STPG2: variants seen among roughly 807,000 people sequenced by gnomAD.
STPG2 encodes sperm tail PG-rich repeat containing 2, also known as sperm-tail PG-rich repeat-containing protein 2.
Under a neutral mutation model 54.2 loss-of-function variants are expected in STPG2, and 56 were observed. The ratio of observed to expected loss-of-function variants is 1.03; its 90% CI spans 0.83 to 1.29. The LOEUF (loss-of-function observed/expected upper bound fraction) is 1.29. STPG2 is among the 50% of genes most tolerant of loss of function. STPG2 has a pLI of 0.00. For missense variants in STPG2, 596 were observed against 544.9 expected (o/e 1.09, Z -0.93); for synonymous variants, 200 against 181.8 (o/e 1.10, Z -0.81).
In STPG2 at chr4:97,938,496, G is replaced by A. The variant is rs991110254; in HGVS notation, c.1044+5401C>T. 4.1e-5 allele frequency among the ~76,000 whole-genome samples: 4 copies of A among 97,856 alleles called. No homozygotes were observed. The East Asian group carries it at 1.1e-3, about 26-fold the overall frequency. 64.2% of individuals were successfully genotyped at this position (97,856 alleles called of 152,430 possible). A position where few individuals can be genotyped will look rare whatever the true frequency, so the allele number is the denominator to read the frequency against. The stretch of plus-strand genomic sequence containing the variant: ...ACAGCAGGCAGCCACAGTGACGATG[G>A]CCACCCACCCCTGCAGGAACTCTTA... On this transcript the variant is annotated intron_variant, in intron 8 of 10. Coordinates refer to ENST00000295268, the MANE Select transcript of STPG2 (RefSeq NM_174952.3).
At chr4:97,547,103 A>G (rs764279133) in intron 4 of STPG2, among the ~76,000 whole-genome samples, 2 of 152,220 alleles carry the variant, frequency 1.3e-5, no homozygotes, top group Non-Finnish European at 2.9e-5. Flanking sequence ...AAGAAGTTCA[A>G]TACGTACGAA....
At chr4:97,616,050 ACATATAAATATATATATATAT>A (rs1560686791) in intron 10 of STPG2, among the ~76,000 whole-genome samples, 1,268 of 80,636 alleles carry the variant, frequency 0.016, 55 homozygotes, top group African/African-American at 0.061. Context: ...AAAAAAAAAT[ACATATAAATATATATATATAT>A]ATATATATAT....
chr4:97,697,557 C>T (rs1723617699), intron 10 of STPG2, among the ~76,000 whole-genome samples: 1 of 152,172 alleles, frequency 6.6e-6, no homozygotes, highest in South Asian at 2.1e-4. Context: ...CGAGAAGTAG[C>T]TCACTGTGAT....
intron 5 of STPG2, among the ~76,000 whole-genome samples, chr4:97,998,148 T>C (rs1735302125): frequency 1.3e-5 from 2 of 152,174 alleles, no homozygotes; most frequent in Non-Finnish European, 2.9e-5. Flanking sequence ...AAAATGCCTC[T>C]TATCCCTGTA....
chr4:98,003,919 G>A (rs1338469887), intron 5 of STPG2, among the ~76,000 whole-genome samples: 1 of 152,044 alleles, frequency 6.6e-6, no homozygotes, highest in African/African-American at 2.4e-5. Context: ...ACAATGTGAT[G>A]TTTTGATGTA....
chr4:97,999,054 T>C (rs1241444110), intron 5 of STPG2, among the ~76,000 whole-genome samples: 1 of 152,236 alleles, frequency 6.6e-6, no homozygotes, highest in Non-Finnish European at 1.5e-5. Context: ...ATTGTCATTT[T>C]GCTTTAGTAA....
intron 5 of STPG2, among the ~76,000 whole-genome samples, chr4:98,027,823 G>A (rs549102080): frequency 5.9e-5 from 9 of 152,264 alleles, no homozygotes; most frequent in African/African-American, 2.2e-4. Context: ...AGCATAAGTA[G>A]TTTTATCAGC....
intron 4 of STPG2, among the ~76,000 whole-genome samples, chr4:97,539,883 T>C (rs1471264690): frequency 1.3e-5 from 2 of 152,154 alleles, no homozygotes; most frequent in Admixed American, 1.3e-4. Context: ...GACTACTGGG[T>C]ACATAACGAA....
chr4:97,809,363 A>G (rs1200276348), intron 9 of STPG2, among the ~76,000 whole-genome samples: 1 of 152,150 alleles, frequency 6.6e-6, no homozygotes, highest in Non-Finnish European at 1.5e-5. Context: ...CAAGATTCCC[A>G]TCACTGATTT....
intron 8 of STPG2, among the ~76,000 whole-genome samples, chr4:97,920,612 G>T (rs934857413): frequency 2.0e-5 from 3 of 151,964 alleles, no homozygotes; most frequent in African/African-American, 7.3e-5. Context: ...AAAAAGCAGT[G>T]CCACAGAGGA....
intron 8 of STPG2, among the ~76,000 whole-genome samples, chr4:97,898,426 A>G (rs187873619): frequency 3.3e-5 from 5 of 151,752 alleles, no homozygotes; most frequent in Admixed American, 2.6e-4. Context: ...CCTTCACTTC[A>G]TTTTAATACT....
intron 10 of STPG2, among the ~76,000 whole-genome samples, chr4:97,692,855 G>A (rs1293603416): frequency 6.6e-6 from 1 of 152,192 alleles, no homozygotes; most frequent in Non-Finnish European, 1.5e-5. Flanking sequence ...TTTCTAAGCA[G>A]AAATCCTACA....
intron 4 of STPG2, among the ~76,000 whole-genome samples, chr4:97,493,582 A>C (rs1459756698): frequency 6.6e-6 from 1 of 151,536 alleles, no homozygotes; most frequent in Non-Finnish European, 1.5e-5. Context: ...CAGCAAAATT[A>C]GCAAAAGTGT....
At chr4:98,118,920 C>T (rs2903142) in intron 3 of STPG2, among the ~76,000 whole-genome samples, 59,905 of 151,636 alleles carry the variant, frequency 0.4, 12,028 homozygotes, top group Middle Eastern at 0.45. Context: ...TAGGAATTCA[C>T]AAATCCATAC....
chr4:97,867,032 C>A (rs551700002), intron 8 of STPG2, among the ~76,000 whole-genome samples: 2 of 152,054 alleles, frequency 1.3e-5, no homozygotes, highest in South Asian at 4.1e-4. Flanking sequence ...GAGCAGCAAG[C>A]AGTTCCCATG....
intron 10 of STPG2, among the ~76,000 whole-genome samples, chr4:97,662,039 CTTAA>C (rs1301635088): frequency 6.6e-6 from 1 of 152,044 alleles, no homozygotes. Flanking sequence ...ACACATAGGA[CTTAA>C]TTAAACTAAA....
At chr4:97,645,547 T>G (rs1721889955) in intron 10 of STPG2, among the ~76,000 whole-genome samples, 1 of 152,198 alleles carries the variant, frequency 6.6e-6, no homozygotes. Flanking sequence ...CATATGAATG[T>G]GGCTTGTTTA....
intron 1 of STPG2, among the ~76,000 whole-genome samples, chr4:98,141,591 C>A (rs1054233011): frequency 1.3e-5 from 2 of 152,078 alleles, no homozygotes; most frequent in African/African-American, 4.8e-5. Flanking sequence ...TGAGTTGTCC[C>A]GCCTTTCTGA....
intron 4 of STPG2, among the ~76,000 whole-genome samples, chr4:97,528,534 A>C (rs980074533): frequency 2.6e-5 from 4 of 152,210 alleles, no homozygotes; most frequent in African/African-American, 9.7e-5. Flanking sequence ...AACTCTGTTA[A>C]GAAAGCCAAT....
Sources: allele counts gnomAD v4.1 joint callset (sites outside exome capture counted in the v4.1 genomes callset), GRCh38; gene constraint gnomAD v4.1.1; transcripts MANE v1.5; gene names NCBI Gene and HGNC (gene_info 2026-07-23, HGNC 2026-07-21).